Variants in RYK observed in about 807,000 individuals in gnomAD.
RYK encodes receptor like tyrosine kinase, also known as inactive tyrosine-protein kinase RYK.
RYK carries 21 observed loss-of-function variants against 70.2 expected under a neutral mutation model. That is an observed-to-expected ratio of 0.30 (90% CI 0.21 to 0.43). The LOEUF (loss-of-function observed/expected upper bound fraction) is 0.43, where lower values mean the gene tolerates loss of function less well. Among genes scored for constraint, RYK ranks in the 20% least tolerant of loss-of-function variants. The probability of loss-of-function intolerance (pLI) is 1.00; values close to 1 mark genes in which losing one functional copy is unlikely to be tolerated. For missense variants in RYK, 604 were observed against 753.3 expected (o/e 0.80, Z 2.32); for synonymous variants, 267 against 278.0 (o/e 0.96, Z 0.39).
At chr3:134,228,430 T>C (rs964676735) in intron 1 of RYK, among the ~76,000 whole-genome samples, 5 of 152,188 alleles carry the variant, frequency 3.3e-5, no homozygotes, top group African/African-American at 7.2e-5. Flanking sequence ...AGCCAAGATA[T>C]GAGATCAACC....
At chr3:134,184,617 T>G (rs2013403162) in intron 9 of RYK, among the ~76,000 whole-genome samples, 2 of 151,854 alleles carry the variant, frequency 1.3e-5, no homozygotes, top group South Asian at 4.2e-4. Flanking sequence ...TGTTTTTAAT[T>G]AGTTGGACCT....
At chr3:134,209,599 GAGTT>G in intron 4 of RYK, 92 bp downstream of exon 4, 1 of 868,198 alleles carries the variant, frequency 1.2e-6, no homozygotes, top group Non-Finnish European at 1.7e-6. Context: ...CTATAATCAT[GAGTT>G]GGACATACTT....
chr3:134,200,737 G>A (rs553845482), intron 6 of RYK, among the ~76,000 whole-genome samples: 11 of 152,252 alleles, frequency 7.2e-5, no homozygotes, highest in African/African-American at 2.6e-4. Flanking sequence ...AATCCATGTA[G>A]CCCATAAAAC....
At chr3:134,182,206 C>T (rs2013319186) in intron 10 of RYK, among the ~76,000 whole-genome samples, 1 of 151,398 alleles carries the variant, frequency 6.6e-6, no homozygotes, top group African/African-American at 2.4e-5. Flanking sequence ...TTTTAAAAAT[C>T]ATGCTATGGC....
At chr3:134,238,435 C>T (rs9818714) in intron 1 of RYK, among the ~76,000 whole-genome samples, 21,991 of 152,184 alleles carry the variant, frequency 0.14, 1,948 homozygotes, top group East Asian at 0.47. Flanking sequence ...CCAACAACAG[C>T]AGACAACATA....
Position 134,250,569 on chromosome 3 carries a change from AGCGGCG to A in RYK, c.80_85del (p.Pro27_Pro28del), listed in dbSNP as rs1284777873. 6 of 1,078,534 alleles carry A rather than the reference AGCGGCG, an allele frequency of 5.6e-6. No homozygotes were observed. Among genetic ancestry groups the A allele is most frequent in the African/African-American group, 1.7e-5 (1 of 59,168 alleles). 66.8% of individuals were successfully genotyped at this position (1,078,534 alleles called of 1,614,324 possible). A position where few individuals can be genotyped will look rare whatever the true frequency, so the allele number is the denominator to read the frequency against. ...CGGCAACAGCGCAAGCAGAAGCAGC[AGCGGCG>A]GCGGCGGCGGGGCCCTCAGGCCGCG... On this transcript the variant is annotated inframe_deletion, in exon 1 of 15. Transcript: ENST00000623711.
At chr3:134,164,170 G>A (rs756226977) in intron 13 of RYK, among the ~76,000 whole-genome samples, 1 of 152,066 alleles carries the variant, frequency 6.6e-6, no homozygotes, top group Non-Finnish European at 1.5e-5. Context: ...GTCCTTGGTG[G>A]GTCTTAAGAT....
intron 10 of RYK, chr3:134,180,175 G>A (rs540229533): frequency 8.2e-4 from 125 of 152,196 alleles, no homozygotes; most frequent in Middle Eastern, 3.4e-3. Context: ...CATAAGAAGT[G>A]TTCACCATCA....
At chr3:134,196,902 T>C (rs779947552) in intron 6 of RYK, among the ~76,000 whole-genome samples, 18 of 152,116 alleles carry the variant, frequency 1.2e-4, no homozygotes, top group South Asian at 4.1e-4. Flanking sequence ...AGCACAACCA[T>C]AGATCTCAAG....
intron 1 of RYK, among the ~76,000 whole-genome samples, chr3:134,224,511 C>T (rs1330600128): frequency 7.9e-5 from 12 of 152,150 alleles, no homozygotes; most frequent in Admixed American, 1.3e-4. Flanking sequence ...CGCAGGGAGA[C>T]GTTTAGGCCT....
intron 1 of RYK, among the ~76,000 whole-genome samples, chr3:134,231,187 C>G (rs1017181700): frequency 7.6e-6 from 1 of 132,242 alleles, no homozygotes; most frequent in Non-Finnish European, 1.6e-5. Flanking sequence ...AGCAGCCAGA[C>G]AAGACCAAAA....
chr3:134,176,235 A>T (rs919041959), intron 11 of RYK, among the ~76,000 whole-genome samples, 196 bp from the exon 12 acceptor site: 1 of 152,222 alleles, frequency 6.6e-6, no homozygotes, highest in Admixed American at 6.5e-5. Flanking sequence ...AGTCCTTATT[A>T]TTCTGTAATC....
In RYK at chr3:134,250,681, A is replaced by C. The variant is rs1323804496; in HGVS notation, c.-27T>G. 1 of 972,134 alleles carries C rather than the reference A, an allele frequency of 1.0e-6. No homozygotes were observed. The highest frequency in any genetic ancestry group is 1.8e-5 in the African/African-American group (1 of 55,692). The allele number at this position is 972,134 out of a possible 1,614,324, so 60.2% of individuals were successfully genotyped here. On this transcript the variant is annotated 5_prime_UTR_variant, in exon 1 of 15. Coordinates refer to ENST00000623711, the MANE Select transcript of RYK (RefSeq NM_002958.4). ...GCCGCCGCCGCCGCCGCCGAAGAGG[A>C]GCGTCGGCCGCCCGCCGCACCGCCG...
At chr3:134,211,689 T>C in intron 2 of RYK, 82 bp from the exon 3 acceptor site, 1 of 864,048 alleles carries the variant, frequency 1.2e-6, no homozygotes. Flanking sequence ...AATTGGCTCA[T>C]TAATCAATGG....
At chr3:134,161,503 A>G (rs2012470309) in intron 13 of RYK, among the ~76,000 whole-genome samples, 1 of 152,190 alleles carries the variant, frequency 6.6e-6, no homozygotes, top group Non-Finnish European at 1.5e-5. Flanking sequence ...AAATGTCCTT[A>G]GCCAGAGCAA....
intron 2 of RYK, 25 bp downstream of exon 2, chr3:134,222,393 T>C (rs1441853375): frequency 6.2e-7 from 1 of 1,612,002 alleles, no homozygotes. Context: ...CCTGTCATGA[T>C]GTCTGTGGTT....
chr3:134,172,166 T>TA (rs1166531771), intron 13 of RYK, among the ~76,000 whole-genome samples: 1 of 152,074 alleles, frequency 6.6e-6, no homozygotes, highest in African/African-American at 2.4e-5. Context: ...CCACTGGAAA[T>TA]AAAAAAATTA....
At position 134,246,602 on chromosome 3, in the gene RYK, G is replaced by C. The variant is rs191950931; in HGVS notation, c.232+3821C>G. The stretch of plus-strand genomic sequence containing the variant: ...TGGACTTTTCATCAAAAACCCTTAA[G>C]ACAGAAAACTGTGAATATGCCATCA... On this transcript the variant is annotated intron_variant, in intron 1 of 14. Transcript: ENST00000623711. 9.8e-4 allele frequency among the ~76,000 whole-genome samples: 149 copies of C among 152,036 alleles called. 1 individual carries two copies. The highest frequency in any genetic ancestry group is 1.9e-3 in the Non-Finnish European group (129 of 67,978).
At chr3:134,235,863 GT>G (rs1450942812) in intron 1 of RYK, among the ~76,000 whole-genome samples, 1 of 152,128 alleles carries the variant, frequency 6.6e-6, no homozygotes, top group East Asian at 1.9e-4. Flanking sequence ...CAGGAGCAGG[GT>G]AACTCTTTAT....
Sources: gnomAD v4.1 joint callset for allele counts (sites outside exome capture counted in the v4.1 genomes callset) on GRCh38, gnomAD v4.1.1 for gene constraint, MANE v1.5 for transcripts, NCBI Gene and HGNC (gene_info 2026-07-23, HGNC 2026-07-21) for gene names.